The following TCF7L1 variants were observed in gnomAD, a reference collection of about 807,000 sequenced individuals.
TCF7L1 encodes the protein transcription factor 7-like 1.
In TCF7L1, 18 loss-of-function variants were observed where a neutral mutation model predicts 63.7. The ratio of observed to expected loss-of-function variants is 0.28; its 90% CI spans 0.20 to 0.42. TCF7L1 has a LOEUF of 0.42. Ranked by LOEUF, TCF7L1 falls within the 10% of genes least tolerant of loss-of-function variation. The pLI is 1.00. For missense variants in TCF7L1, 654 were observed against 779.3 expected (o/e 0.84, Z 1.91); for synonymous variants, 355 against 340.9 (o/e 1.04, Z -0.46).
intron 3 of TCF7L1, among the ~76,000 whole-genome samples, chr2:85,158,022 G>A (rs1678189949): frequency 6.6e-6 from 1 of 152,230 alleles, no homozygotes; most frequent in South Asian, 2.1e-4. Flanking sequence ...ATGGCGGACA[G>A]AGGAAAGCAG....
intron 4 of TCF7L1, among the ~76,000 whole-genome samples, chr2:85,284,267 C>A (rs1681489970): frequency 6.6e-6 from 1 of 152,218 alleles, no homozygotes; most frequent in East Asian, 1.9e-4. Flanking sequence ...GCCTTGGCCT[C>A]CCAAAGTGCT....
chr2:85,288,069 TCAC>T (rs991429772), intron 4 of TCF7L1, among the ~76,000 whole-genome samples: 8 of 152,136 alleles, frequency 5.3e-5, no homozygotes, highest in Non-Finnish European at 8.8e-5. Flanking sequence ...ACTCCCAGCG[TCAC>T]CACCACCACT....
chr2:85,227,141 T>C (rs558663650), intron 3 of TCF7L1, among the ~76,000 whole-genome samples: 46 of 152,306 alleles, frequency 3.0e-4, no homozygotes, highest in Middle Eastern at 3.4e-3. Context: ...GCTGTTTTGC[T>C]GTTTTTCCGG....
chr2:85,220,324 C>T (rs746083775), intron 3 of TCF7L1, among the ~76,000 whole-genome samples: 1 of 151,478 alleles, frequency 6.6e-6, no homozygotes, highest in Admixed American at 6.6e-5. Flanking sequence ...ATCTGGTGTC[C>T]ATTAGTGTCT....
chr2:85,294,177 C>T (rs1039259410), intron 4 of TCF7L1, among the ~76,000 whole-genome samples: 10 of 151,862 alleles, frequency 6.6e-5, no homozygotes, highest in African/African-American at 1.9e-4. Context: ...GCTGGGACTA[C>T]AGGCACCCGC....
At chr2:85,194,015 G>A (rs1679094524) in intron 3 of TCF7L1, among the ~76,000 whole-genome samples, 1 of 151,978 alleles carries the variant, frequency 6.6e-6, no homozygotes, top group Admixed American at 6.6e-5. Context: ...GAGGGTTAGT[G>A]TGAAAAGATG....
chr2:85,145,771 G>C (rs760542326), intron 3 of TCF7L1, among the ~76,000 whole-genome samples: 1 of 152,258 alleles, frequency 6.6e-6, no homozygotes. Context: ...CAGTGGTAAA[G>C]CTTCATCTTC....
chr2:85,144,240 C>T (rs368889491), intron 3 of TCF7L1, among the ~76,000 whole-genome samples: 137 of 152,022 alleles, frequency 9.0e-4, no homozygotes, highest in African/African-American at 3.1e-3. Context: ...AAAAATCAGT[C>T]CCAAAAATCT....
rs112142881 is a variant in TCF7L1 at position 85,306,424 on chromosome 2, G to C, written c.1150-28G>C. ...GCAGCGTCCCTGCATTGATGGCTCC[G>C]TGTGGTCTCTGACCCTCTCTCCCCC... On this transcript the variant is annotated intron_variant, in intron 9 of 11. Transcript: ENST00000282111. This position sits in a 1 kb window ranked among gnomAD's most constrained non-coding sequence, Gnocchi z 4.3. 3.1e-6 allele frequency: 5 copies of C among 1,613,762 alleles called. No individual in the cohort carries two copies. Among genetic ancestry groups the C allele is most frequent in the Admixed American group, 1.7e-5 (1 of 59,988 alleles).
In TCF7L1 at chr2:85,228,744, G is replaced by A. The variant is rs376209625; in HGVS notation, c.442-54751G>A. Among the ~76,000 whole-genome samples, 9 of 152,202 alleles carry A rather than the reference G, an allele frequency of 5.9e-5. No homozygotes were observed. The East Asian group carries it at 7.7e-4, about 13-fold the overall frequency. ...GAAATTTGAACCTTAGGCTGGGCTC[G>A]GTGGCTCACGCCTGTAATCCCAGCA... On this transcript the variant is annotated intron_variant, in intron 3 of 11. Coordinates refer to ENST00000282111, the MANE Select transcript of TCF7L1 (RefSeq NM_031283.3).
chr2:85,288,951 G>A (rs1338466915), intron 4 of TCF7L1, among the ~76,000 whole-genome samples: 4 of 152,134 alleles, frequency 2.6e-5, no homozygotes, highest in Non-Finnish European at 4.4e-5. Flanking sequence ...GCATCTGAGC[G>A]CCTGTTGTAA....
In TCF7L1 at chr2:85,134,685, A is replaced by G. The variant is rs977946958; in HGVS notation, c.441+235A>G. On this transcript the variant is annotated intron_variant, in intron 3 of 11. Coordinates refer to ENST00000282111, the MANE Select transcript of TCF7L1 (RefSeq NM_031283.3). The surrounding 1 kb of genome is among the most constrained non-coding windows in gnomAD (Gnocchi z 5.0). ...CTTGCGGGTTGAGGTTTTGGAGTCC[A>G]CCTCTGGGATCTTCCTTGGCCTCCA... 6.6e-6 allele frequency among the ~76,000 whole-genome samples: 1 copy of G among 152,174 alleles called. No individual in the cohort carries two copies. The highest frequency in any genetic ancestry group is 1.5e-5 in the Non-Finnish European group (1 of 68,024).
intron 3 of TCF7L1, among the ~76,000 whole-genome samples, chr2:85,159,816 C>T (rs1042885320): frequency 1.3e-5 from 2 of 152,240 alleles, no homozygotes; most frequent in South Asian, 2.1e-4. Context: ...TCCTTCTGCC[C>T]TTCACAAAGT....
chr2:85,156,953 G>GTAAA (rs1678164408), intron 3 of TCF7L1, among the ~76,000 whole-genome samples: 1 of 152,228 alleles, frequency 6.6e-6, no homozygotes, highest in African/African-American at 2.4e-5. Flanking sequence ...CATCTAGAGG[G>GTAAA]TAAAGGTCAG....
chr2:85,188,350 G>A (rs72840125), intron 3 of TCF7L1, among the ~76,000 whole-genome samples: 5,624 of 152,326 alleles, frequency 0.037, 148 homozygotes, highest in Non-Finnish European at 0.053. Context: ...AGTTTTGATA[G>A]CATGCTAGTT....
chr2:85,263,319 A>AGG (rs142307693), intron 3 of TCF7L1, among the ~76,000 whole-genome samples: 6 of 96,782 alleles, frequency 6.2e-5, no homozygotes, highest in Non-Finnish European at 1.2e-4. Context: ...GGTAGGGTGG[A>AGG]GGGGGGGAAG....
chr2:85,172,374 C>T (rs144120835), intron 3 of TCF7L1, among the ~76,000 whole-genome samples: 18 of 152,356 alleles, frequency 1.2e-4, no homozygotes, highest in African/African-American at 3.4e-4. Flanking sequence ...TCACTTGGCA[C>T]ACTCTTGTCA....
chr2:85,241,594 C>T (rs1027926051), intron 3 of TCF7L1, among the ~76,000 whole-genome samples: 19 of 151,690 alleles, frequency 1.3e-4, no homozygotes, highest in Admixed American at 2.6e-4. Flanking sequence ...TACAGGTGCC[C>T]GCCACCATGC....
chr2:85,199,050 G>C (rs890429668), intron 3 of TCF7L1, among the ~76,000 whole-genome samples: 3 of 152,166 alleles, frequency 2.0e-5, no homozygotes, highest in Non-Finnish European at 1.5e-5. Flanking sequence ...AGAGTTTATA[G>C]TTTTCCCAGA....
Sources: allele counts gnomAD v4.1 joint callset (sites outside exome capture counted in the v4.1 genomes callset), GRCh38; gene constraint gnomAD v4.1.1; non-coding constraint Gnocchi (gnomAD v3.1); transcripts MANE v1.5; gene names NCBI Gene and HGNC (gene_info 2026-07-23, HGNC 2026-07-21).